The following ZFYVE28 variants were observed in gnomAD, a reference collection of about 807,000 sequenced individuals.
The protein encoded by ZFYVE28 is zinc finger FYVE-type containing 28, also known as lateral signaling target protein 2 homolog.
ZFYVE28 carries 40 observed loss-of-function variants against 82.1 expected under a neutral mutation model. That is an observed-to-expected ratio of 0.49 (90% CI 0.38 to 0.63). The LOEUF (loss-of-function observed/expected upper bound fraction) is 0.63. ZFYVE28 is among the 30% of genes least tolerant of loss of function. The pLI is 0.00. For synonymous variants in ZFYVE28, 612 were observed against 546.1 expected, an observed-to-expected ratio of 1.12 and a Z score of -1.68; for missense variants, 1,321 against 1,242.1, an observed-to-expected ratio of 1.06 and a Z score of -0.96.
rs1732151317 is a variant in ZFYVE28 at position 2,408,394 on chromosome 4, G to T, written c.39+9891C>A. Among the ~76,000 whole-genome samples, 1 of 152,096 alleles carries T rather than the reference G, an allele frequency of 6.6e-6. No individual in the cohort carries two copies. The highest frequency in any genetic ancestry group is 2.4e-5 in the African/African-American group (1 of 41,416). The stretch of plus-strand genomic sequence containing the variant: ...GGCTGGCCCTATGGACACTGTGGAG[G>T]TGATGCCATGTGACTTCCAGGCTGG... On this transcript the variant is annotated intron_variant, in intron 1 of 12. Coordinates refer to ENST00000290974, the MANE Select transcript of ZFYVE28 (RefSeq NM_020972.3). The surrounding 1 kb of genome is among the most constrained non-coding windows in gnomAD (Gnocchi z 4.3).
intron 6 of ZFYVE28, among the ~76,000 whole-genome samples, chr4:2,321,592 C>T (rs536527484): frequency 3.3e-5 from 5 of 151,932 alleles, no homozygotes; most frequent in Non-Finnish European, 7.4e-5. Context: ...CCTGATTGAA[C>T]GAACAGTATT....
intron 1 of ZFYVE28, among the ~76,000 whole-genome samples, chr4:2,388,668 G>A (rs1378896820): frequency 6.6e-6 from 1 of 152,168 alleles, no homozygotes; most frequent in East Asian, 1.9e-4. Flanking sequence ...GTGGATGACG[G>A]TGGTGCTGCT....
chr4:2,270,952 C>T (rs938964122), intron 12 of ZFYVE28, 96 bp from the exon 13 acceptor site: 4 of 1,514,748 alleles, frequency 2.6e-6, no homozygotes, highest in Admixed American at 4.0e-5. Flanking sequence ...CAGCTCAGGC[C>T]GCATTGGTGG....
intron 6 of ZFYVE28, among the ~76,000 whole-genome samples, chr4:2,322,789 T>C (rs2108839686): frequency 6.6e-6 from 1 of 152,314 alleles, no homozygotes; most frequent in Non-Finnish European, 1.5e-5. Context: ...ATCTGCTTTC[T>C]GTCTCTATGA....
In ZFYVE28 at chr4:2,380,549, C is replaced by T. The variant is rs187936773; in HGVS notation, c.40-26476G>A. On this transcript the variant is annotated intron_variant, in intron 1 of 12. Coordinates refer to ENST00000290974, the MANE Select transcript of ZFYVE28 (RefSeq NM_020972.3). Reference sequence around the variant, plus strand: ...TGAAGGATTTGTCATTGGCATTGTCCGCTCCTTGGTCCTGTGGGCCACCTT... The same window carrying T: ...TGAAGGATTTGTCATTGGCATTGTCTGCTCCTTGGTCCTGTGGGCCACCTT... 3.3e-5 allele frequency among the ~76,000 whole-genome samples: 5 copies of T among 152,276 alleles called. No individual in the cohort carries two copies. In the East Asian group the frequency reaches 5.8e-4, roughly 18 times the overall value.
chr4:2,323,404 TTTG>T (rs1471993335), intron 6 of ZFYVE28, among the ~76,000 whole-genome samples: 1 of 152,206 alleles, frequency 6.6e-6, no homozygotes, highest in East Asian at 1.9e-4. Flanking sequence ...TGTTTGTCGA[TTTG>T]TTGTTGAGTT....
At chr4:2,306,595 C>A (rs1426632698) in intron 7 of ZFYVE28, among the ~76,000 whole-genome samples, 7 of 152,020 alleles carry the variant, frequency 4.6e-5, no homozygotes, top group Admixed American at 2.0e-4. Context: ...ATAGGACACC[C>A]AGTTAAATTT....
rs1276592866 is a variant in ZFYVE28 at position 2,391,738 on chromosome 4, C to T, written c.39+26547G>A. Reference sequence around the variant, plus strand: ...GGCTTCCTGTAAGTCAATTCTCTCTCTCTTTTTTTTTTTTTGTGACTGAGT... The same window carrying T: ...GGCTTCCTGTAAGTCAATTCTCTCTTTCTTTTTTTTTTTTTGTGACTGAGT... On this transcript the variant is annotated intron_variant, in intron 1 of 12. Coordinates refer to ENST00000290974, the MANE Select transcript of ZFYVE28 (RefSeq NM_020972.3). Among the ~76,000 whole-genome samples, 8 of 139,828 alleles carry T rather than the reference C, an allele frequency of 5.7e-5. No homozygotes were observed. In the East Asian group the frequency reaches 1.3e-3, roughly 23 times the overall value. 91.7% of individuals were successfully genotyped at this position (139,828 alleles called of 152,430 possible).
chr4:2,300,909 T>C lies in ZFYVE28; in HGVS notation c.2051+3380A>G, dbSNP rs1173289320. 1.3e-5 allele frequency among the ~76,000 whole-genome samples: 2 copies of C among 152,170 alleles called. No homozygotes were observed. The highest frequency in any genetic ancestry group is 2.9e-5 in the Non-Finnish European group (2 of 68,016). The stretch of plus-strand genomic sequence containing the variant: ...CCAAACAGGCCCGGGCTCTTCCAGA[T>C]GCTCTCAGCTGAGGCAAATACCACC... On this transcript the variant is annotated intron_variant, in intron 8 of 12. Coordinates refer to ENST00000290974, the MANE Select transcript of ZFYVE28 (RefSeq NM_020972.3). The surrounding 1 kb of genome is among the most constrained non-coding windows in gnomAD (Gnocchi z 4.6).
At chr4:2,327,251 A>AATATAT (rs67940269) in intron 6 of ZFYVE28, among the ~76,000 whole-genome samples, 11 of 87,330 alleles carry the variant, frequency 1.3e-4, no homozygotes, top group East Asian at 5.0e-4. Context: ...CTCCATCTCA[A>AATATAT]ATATATATAT....
intron 7 of ZFYVE28, among the ~76,000 whole-genome samples, chr4:2,315,845 C>T (rs1718125022): frequency 6.6e-6 from 1 of 152,190 alleles, no homozygotes; most frequent in African/African-American, 2.4e-5. Context: ...TTAGCCATGA[C>T]TTCTTTGAAT....
At chr4:2,385,648 C>A (rs1464766222) in intron 1 of ZFYVE28, among the ~76,000 whole-genome samples, 2 of 152,222 alleles carry the variant, frequency 1.3e-5, no homozygotes, top group East Asian at 3.8e-4. Context: ...TCAGGGCTGA[C>A]CTCTGACCTC....
chr4:2,334,868 C>A (rs1369069920), intron 6 of ZFYVE28, among the ~76,000 whole-genome samples: 2 of 105,922 alleles, frequency 1.9e-5, no homozygotes, highest in Admixed American at 9.3e-5. Context: ...CCGCCTCCCC[C>A]CCAGCTGCAA....
chr4:2,279,878 G>A (rs553871031), intron 8 of ZFYVE28, among the ~76,000 whole-genome samples: 4 of 152,168 alleles, frequency 2.6e-5, no homozygotes, highest in Admixed American at 2.0e-4. Flanking sequence ...AACCGTGGTC[G>A]CAACAGCTGA....
At chr4:2,356,345 C>CT (rs1448693749) in intron 1 of ZFYVE28, among the ~76,000 whole-genome samples, 3 of 152,212 alleles carry the variant, frequency 2.0e-5, no homozygotes, top group Non-Finnish European at 4.4e-5. Context: ...AGCAACCACT[C>CT]TGCTAGGAGC....
rs921943685 is a variant in ZFYVE28, at chr4:2,297,061, G to C, written c.2051+7228C>G. On this transcript the variant is annotated intron_variant, in intron 8 of 12. Coordinates refer to ENST00000290974, the MANE Select transcript of ZFYVE28 (RefSeq NM_020972.3). ...CACCCAGGGAAGGGGCTGAACACCT[G>C]TCTGCTGGTGGGAAAGCCGAATGGT... 3.3e-5 allele frequency among the ~76,000 whole-genome samples: 5 copies of C among 152,352 alleles called. No homozygotes were observed. In the South Asian group the frequency reaches 1.0e-3, roughly 32 times the overall value.
intron 6 of ZFYVE28, among the ~76,000 whole-genome samples, chr4:2,334,177 AG>A (rs1721190845): frequency 6.6e-6 from 1 of 152,186 alleles, no homozygotes; most frequent in Non-Finnish European, 1.5e-5. Context: ...GGACACGGGA[AG>A]GACGGCGCAG....
intron 2 of ZFYVE28, among the ~76,000 whole-genome samples, chr4:2,346,068 C>T (rs1004948392): frequency 1.3e-5 from 2 of 151,852 alleles, no homozygotes; most frequent in African/African-American, 4.8e-5. Context: ...GTGGCTCACG[C>T]CTGTAATCCC....
chr4:2,391,758 C>G (rs1729863747), intron 1 of ZFYVE28, among the ~76,000 whole-genome samples: 1 of 120,260 alleles, frequency 8.3e-6, no homozygotes, highest in Non-Finnish European at 1.8e-5. Context: ...TTTTTTGTGA[C>G]TGAGTCTTGC....
Sources: allele counts gnomAD v4.1 joint callset (sites outside exome capture counted in the v4.1 genomes callset), GRCh38; gene constraint gnomAD v4.1.1; non-coding constraint Gnocchi (gnomAD v3.1); transcripts MANE v1.5; gene names NCBI Gene and HGNC (gene_info 2026-07-23, HGNC 2026-07-21).